The following PDZRN4 variants were observed in gnomAD, a reference collection of about 807,000 sequenced individuals.
The protein encoded by PDZRN4 is PDZ domain-containing RING finger protein 4.
A neutral mutation model predicts 99.0 loss-of-function variants in PDZRN4; 70 were observed. That is an observed-to-expected ratio of 0.71 (90% confidence interval 0.58 to 0.86). The LOEUF (loss-of-function observed/expected upper bound fraction) is 0.86, where lower values mean the gene tolerates loss of function less well. Among genes scored for constraint, PDZRN4 ranks in the 40% least tolerant of loss-of-function variants. The pLI is 0.00. For synonymous variants in PDZRN4, 551 were observed against 501.6 expected (o/e 1.10, Z -1.32); for missense variants, 1,474 against 1,331.2 (o/e 1.11, Z -1.67).
chr12:41,357,512 A>C (rs1951936235), intron 3 of PDZRN4, among the ~76,000 whole-genome samples: 1 of 151,998 alleles, frequency 6.6e-6, no homozygotes, highest in Non-Finnish European at 1.5e-5. Flanking sequence ...GGGGCTAGGC[A>C]TACAAAGATG....
chr12:41,519,396 C>T (rs1263178884), intron 5 of PDZRN4, among the ~76,000 whole-genome samples: 2 of 152,060 alleles, frequency 1.3e-5, no homozygotes, highest in Non-Finnish European at 2.9e-5. Flanking sequence ...AAGCTGACAG[C>T]AGCCCTGATT....
At chr12:41,370,656 C>T (rs866717447) in intron 3 of PDZRN4, among the ~76,000 whole-genome samples, 2 of 151,726 alleles carry the variant, frequency 1.3e-5, no homozygotes, top group Middle Eastern at 3.2e-3. Context: ...CTGCATTTTC[C>T]CCGTTTTCTT....
chr12:41,569,978 A>T (rs1297003387), intron 9 of PDZRN4, among the ~76,000 whole-genome samples: 2 of 151,844 alleles, frequency 1.3e-5, no homozygotes, highest in Admixed American at 6.6e-5. Context: ...TCCTTGCTCC[A>T]GGCTTTTTTT....
intron 3 of PDZRN4, among the ~76,000 whole-genome samples, chr12:41,502,629 A>G (rs1938131019): frequency 1.3e-5 from 2 of 152,152 alleles, no homozygotes; most frequent in Admixed American, 6.6e-5. Context: ...AATATTGGGT[A>G]TCTACCCTTA....
chr12:41,482,775 A>G (rs760838115), intron 3 of PDZRN4, among the ~76,000 whole-genome samples: 14 of 152,080 alleles, frequency 9.2e-5, no homozygotes, highest in Admixed American at 3.9e-4. Flanking sequence ...AAAACCAACT[A>G]GAATGGGATA....
chr12:41,304,245 G>T (rs1369136949), intron 3 of PDZRN4, among the ~76,000 whole-genome samples: 1 of 152,106 alleles, frequency 6.6e-6, no homozygotes. Context: ...AGCTTTGTAT[G>T]ATATCAGATC....
At chr12:41,269,625 A>G (rs1951300430) in intron 3 of PDZRN4, among the ~76,000 whole-genome samples, 1 of 152,196 alleles carries the variant, frequency 6.6e-6, no homozygotes, top group African/African-American at 2.4e-5. Flanking sequence ...GCATAAAGAC[A>G]TGGCCAGGCC....
rs368605318 is a variant in PDZRN4 at position 41,465,025 on chromosome 12, A to G, written c.844-41431A>G. Among the ~76,000 whole-genome samples, 273 of 152,172 alleles carry G rather than the reference A, an allele frequency of 1.8e-3. 2 individuals are homozygous for G. The highest frequency in any genetic ancestry group is 6.2e-3 in the African/African-American group (259 of 41,506). ...TTTTTAGTAGAGATGGGGTTTTGCC[A>G]TATTGGCCAGGCTGGTCTCAAACTC... On this transcript the variant is annotated intron_variant, in intron 3 of 9. Coordinates refer to ENST00000402685, the MANE Select transcript of PDZRN4 (RefSeq NM_001164595.2).
chr12:41,456,834 C>T (rs1952820438), intron 3 of PDZRN4, among the ~76,000 whole-genome samples: 1 of 152,056 alleles, frequency 6.6e-6, no homozygotes, highest in South Asian at 2.1e-4. Flanking sequence ...GACAATGGAA[C>T]CCAAAGTTAA....
rs1189501424 is a variant in PDZRN4 at position 41,390,378 on chromosome 12, T to G, written c.844-116078T>G. ...TATACCATTTTATTTCCGAAGTTGA[T>G]TGGGCTGCTCATTTGTCATTGTTGT... On this transcript the variant is annotated intron_variant, in intron 3 of 9. Transcript: ENST00000402685. Among the ~76,000 whole-genome samples the G allele has an allele frequency of 2.0e-5, 3 of 152,080 alleles. No individual in the cohort carries two copies. The East Asian group carries it at 5.8e-4, about 29-fold the overall frequency.
intron 3 of PDZRN4, among the ~76,000 whole-genome samples, chr12:41,229,018 C>A (rs909330329): frequency 6.6e-6 from 1 of 151,754 alleles, no homozygotes; most frequent in Admixed American, 6.6e-5. Context: ...AATATAAATT[C>A]TCTCCCTGAA....
chr12:41,250,194 G>A (rs1566394704), intron 3 of PDZRN4, among the ~76,000 whole-genome samples: 1 of 152,072 alleles, frequency 6.6e-6, no homozygotes, highest in Admixed American at 6.6e-5. Context: ...TTTGTAACTA[G>A]TCTGTACTTC....
chr12:41,513,993 C>A (rs1212783793), intron 5 of PDZRN4, among the ~76,000 whole-genome samples: 1 of 152,046 alleles, frequency 6.6e-6, no homozygotes, highest in Admixed American at 6.6e-5. Context: ...CACTTGAAAT[C>A]ATTTTTACTT....
At position 41,541,437 on chromosome 12, in the gene PDZRN4, ACTT is replaced by A. The variant is rs141433100; in HGVS notation, c.1204-11213_1204-11211del. Among the ~76,000 whole-genome samples the A allele has an allele frequency of 9.1e-3, 1,315 of 145,234 alleles. 21 individuals are homozygous for A. The highest frequency in any genetic ancestry group is 0.032 in the African/African-American group (1,239 of 38,184). On this transcript the variant is annotated intron_variant, in intron 5 of 9. Coordinates refer to ENST00000402685, the MANE Select transcript of PDZRN4 (RefSeq NM_001164595.2). ...ATGTCACCCAAAGTTGATATTTATTACTTCTTCTAGACTTTTTTTTTTTTTTTT... is the reference window on the plus strand; with the variant it reads ...ATGTCACCCAAAGTTGATATTTATTACTTCTAGACTTTTTTTTTTTTTTTT...
intron 3 of PDZRN4, among the ~76,000 whole-genome samples, chr12:41,423,067 T>C (rs543211361): frequency 2.4e-4 from 36 of 152,290 alleles, no homozygotes; most frequent in African/African-American, 8.7e-4. Context: ...GACTCAACTA[T>C]AGTTTTTATT....
At chr12:41,501,013 T>A (rs1938099307) in intron 3 of PDZRN4, among the ~76,000 whole-genome samples, 1 of 152,156 alleles carries the variant, frequency 6.6e-6, no homozygotes, top group African/African-American at 2.4e-5. Flanking sequence ...GTGGGAGATC[T>A]TGTAGACTAA....
chr12:41,520,626 A>G (rs1938478505), intron 5 of PDZRN4, among the ~76,000 whole-genome samples: 1 of 83,980 alleles, frequency 1.2e-5, no homozygotes, highest in Non-Finnish European at 2.4e-5. Flanking sequence ...ACAGACACAC[A>G]CACACACACA....
chr12:41,486,677 GAA>G (rs926147440), intron 3 of PDZRN4, among the ~76,000 whole-genome samples: 1 of 150,850 alleles, frequency 6.6e-6, no homozygotes, highest in Non-Finnish European at 1.5e-5. Context: ...TGAAAATAGA[GAA>G]AAAAAAATCA....
chr12:41,263,974 G>A (rs1951260974), intron 3 of PDZRN4, among the ~76,000 whole-genome samples: 1 of 152,060 alleles, frequency 6.6e-6, no homozygotes, highest in African/African-American at 2.4e-5. Context: ...CTGACTCCAT[G>A]AAAAACACAC....
Sources: allele counts gnomAD v4.1 joint callset (sites outside exome capture counted in the v4.1 genomes callset), GRCh38; gene constraint gnomAD v4.1.1; transcripts MANE v1.5; gene names NCBI Gene and HGNC (gene_info 2026-07-23, HGNC 2026-07-21).